Variants in USP37 observed in about 807,000 individuals in gnomAD.
USP37 encodes the protein ubiquitin specific peptidase 37, also known as ubiquitin carboxyl-terminal hydrolase 37.
USP37 carries 27 observed loss-of-function variants against 124.0 expected under a neutral mutation model. The ratio of observed to expected loss-of-function variants is 0.22; its 90% CI spans 0.16 to 0.30. The LOEUF (loss-of-function observed/expected upper bound fraction) is 0.30, where lower values mean the gene tolerates loss of function less well. Among genes scored for constraint, USP37 ranks in the 10% least tolerant of loss-of-function variants. The pLI, the probability that USP37 is intolerant of heterozygous loss-of-function variation, is 1.00. For synonymous variants in USP37, 365 were observed against 388.0 expected (o/e 0.94, Z 0.70); for missense variants, 889 against 1,140.4 (o/e 0.78, Z 3.17).
At chr2:218,528,235 AT>A in intron 10 of USP37, 2 of 152,316 alleles carry the variant, frequency 1.3e-5, no homozygotes, top group Middle Eastern at 6.8e-3. Context: ...TTAATAGGTC[AT>A]TATATAGCAT....
At chr2:218,564,879 C>T (rs376714989) in intron 1 of USP37, among the ~76,000 whole-genome samples, 9 of 152,036 alleles carry the variant, frequency 5.9e-5, no homozygotes, top group African/African-American at 7.2e-5. Context: ...TTTTTCAACA[C>T]GAATCCTGTT....
At chr2:218,529,189 T>C (rs1466209279) in intron 10 of USP37, among the ~76,000 whole-genome samples, 1 of 152,212 alleles carries the variant, frequency 6.6e-6, no homozygotes, top group African/African-American at 2.4e-5. Context: ...CACGGCACCA[T>C]GCCCAGCTAA....
Position 218,543,900 on chromosome 2 carries a change from G to A in USP37, c.680+2321C>T, listed in dbSNP as rs147921917. On this transcript the variant is annotated intron_variant, in intron 8 of 25. Transcript: ENST00000258399. ...AATTGTCTGGTAATTTGAAACCATG[G>A]GATAAAAATATCCAATTGCTTTTGA... is the stretch of plus-strand genomic sequence containing the variant. Among the ~76,000 whole-genome samples, 294 of 152,210 alleles carry A rather than the reference G, an allele frequency of 1.9e-3. 2 individuals are homozygous for A. Among genetic ancestry groups the A allele is most frequent in the African/African-American group, 6.7e-3 (280 of 41,530 alleles).
At chr2:218,472,945 C>T (rs1016393215) in intron 20 of USP37, among the ~76,000 whole-genome samples, 1 of 152,126 alleles carries the variant, frequency 6.6e-6, no homozygotes, top group Non-Finnish European at 1.5e-5. Flanking sequence ...TTACTCACTA[C>T]ATTTGGTTGT....
chr2:218,472,220 C>T (rs951437482), intron 20 of USP37, among the ~76,000 whole-genome samples: 4 of 151,994 alleles, frequency 2.6e-5, no homozygotes, highest in Admixed American at 6.6e-5. Flanking sequence ...TGTTTAATCA[C>T]GAACTTGGCA....
At chr2:218,541,624 G>A (rs760042122) in intron 8 of USP37, among the ~76,000 whole-genome samples, 21 of 152,112 alleles carry the variant, frequency 1.4e-4, no homozygotes, top group Non-Finnish European at 2.9e-4. Context: ...AGGAAGAGAT[G>A]TCAATATGGG....
intron 14 of USP37, among the ~76,000 whole-genome samples, chr2:218,492,191 A>C (rs1363578359): frequency 6.6e-6 from 1 of 152,146 alleles, no homozygotes. Context: ...ACAAAGCAAC[A>C]CCCTGTCTCA....
chr2:218,494,733 A>G (rs55902652), intron 14 of USP37, among the ~76,000 whole-genome samples: 2,867 of 152,318 alleles, frequency 0.019, 91 homozygotes, highest in African/African-American at 0.065. Context: ...GATGTACTAC[A>G]GATGACTGGA....
intron 10 of USP37, 51 bp from the exon 11 acceptor site, chr2:218,510,191 C>T (rs761559395): frequency 6.4e-7 from 1 of 1,566,062 alleles, no homozygotes; most frequent in South Asian, 1.2e-5. Flanking sequence ...TTGAATACTA[C>T]TATTTTCCTT....
chr2:218,458,039 C>CAAA (rs34696201), intron 23 of USP37, among the ~76,000 whole-genome samples: 14 of 90,190 alleles, frequency 1.6e-4, no homozygotes, highest in African/African-American at 6.2e-4. Flanking sequence ...GACTCTGTCT[C>CAAA]AAAAAAAAAA....
chr2:218,470,614 T>A (rs931228170), intron 20 of USP37, among the ~76,000 whole-genome samples: 5 of 152,252 alleles, frequency 3.3e-5, no homozygotes, highest in African/African-American at 1.2e-4. Context: ...GTCTCATCTT[T>A]TGCATTTCCC....
chr2:218,549,877 C>T lies in USP37; in HGVS notation c.361G>A (p.Gly121Arg). The T allele has an allele frequency of 6.2e-7, 1 of 1,612,152 alleles. No homozygotes were observed. Among genetic ancestry groups the T allele is most frequent in the South Asian group, 1.1e-5 (1 of 90,882 alleles). ...MKPSQGSGSF[G>R]AILGSRTSQK... The stretch of plus-strand genomic sequence containing the variant: ...GAGGTCCTGCTGCCCAGAATGGCTC[C>T]AAAACTACCAGACCCCTGAGACGGT... Residue 121 changes from glycine (G) to arginine (R), a missense_variant, in exon 6 of 26, where the codon GGA (glycine) becomes AGA (arginine). This residue lies in a region of USP37 where 374 missense variants were observed against 386.0 expected (regional missense o/e 0.97). Transcript: ENST00000258399.
At chr2:218,527,915 A>T (rs1559209282) in intron 10 of USP37, among the ~76,000 whole-genome samples, 1 of 152,176 alleles carries the variant, frequency 6.6e-6, no homozygotes, top group Non-Finnish European at 1.5e-5. Flanking sequence ...TTAAGAACCA[A>T]ATATGGGCTG....
At position 218,507,031 on chromosome 2, in the gene USP37, C is replaced by G. The variant is rs976929078; in HGVS notation, c.1025+2948G>C. ...CAGGTTGGTTTTGAACTCCTGACCTCAAGTGATCCACCTGCCTTGGCCTCC... is the reference window on the plus strand; with the variant it reads ...CAGGTTGGTTTTGAACTCCTGACCTGAAGTGATCCACCTGCCTTGGCCTCC... On this transcript the variant is annotated intron_variant, in intron 11 of 25. Coordinates refer to ENST00000258399, the MANE Select transcript of USP37 (RefSeq NM_020935.3). 1.3e-4 allele frequency among the ~76,000 whole-genome samples: 20 copies of G among 152,182 alleles called. No individual in the cohort carries two copies. In the East Asian group the frequency reaches 3.9e-3, roughly 29 times the overall value.
intron 23 of USP37, among the ~76,000 whole-genome samples, chr2:218,457,563 T>TA (rs1349174244): frequency 6.6e-6 from 1 of 152,102 alleles, no homozygotes; most frequent in Non-Finnish European, 1.5e-5. Flanking sequence ...ATAACTCTAT[T>TA]AAAAAAATGT....
At chr2:218,518,460 A>G (rs1278672908) in intron 10 of USP37, among the ~76,000 whole-genome samples, 1 of 152,184 alleles carries the variant, frequency 6.6e-6, no homozygotes, top group Non-Finnish European at 1.5e-5. Context: ...TGGACACTGA[A>G]CAGTATTTAA....
At chr2:218,497,983 T>C (rs1356427638) in intron 12 of USP37, 43 bp downstream of exon 12, 1 of 1,568,700 alleles carries the variant, frequency 6.4e-7, no homozygotes, top group Non-Finnish European at 8.6e-7. Flanking sequence ...CTATAATCAA[T>C]GAAGTAAAAG....
Position 218,503,675 on chromosome 2 carries a change from G to A in USP37, c.1026-5518C>T, listed in dbSNP as rs183675887. On this transcript the variant is annotated intron_variant, in intron 11 of 25. Transcript: ENST00000258399. ...GGCTGCAGTGAGCCGAGATCGCACC[G>A]TTGCACTCCAGCCTGGGCAACGAGA... 1.8e-3 allele frequency among the ~76,000 whole-genome samples: 279 copies of A among 152,066 alleles called. 2 individuals carry two copies. The highest frequency in any genetic ancestry group is 3.4e-3 in the Middle Eastern group (1 of 294).
chr2:218,462,852 T>A (rs1342224592), intron 22 of USP37, among the ~76,000 whole-genome samples: 1 of 152,080 alleles, frequency 6.6e-6, no homozygotes, highest in Non-Finnish European at 1.5e-5. Flanking sequence ...CTTCTAAGGT[T>A]CTATTTCTTT....
Sources: gnomAD v4.1 joint callset for allele counts (sites outside exome capture counted in the v4.1 genomes callset) on GRCh38, gnomAD v4.1.1 for gene constraint, gnomAD v4.1.1 regional missense constraint, MANE v1.5 for transcripts, NCBI Gene and HGNC (gene_info 2026-07-23, HGNC 2026-07-21) for gene names.